DYNAP: variants seen among roughly 807,000 people sequenced by gnomAD.
DYNAP encodes dynactin-associated protein.
In DYNAP, 7 loss-of-function variants were observed where a neutral mutation model predicts 8.5. That is an observed-to-expected ratio of 0.82 (90% confidence interval 0.47 to 1.54). The LOEUF is 1.54. DYNAP is among the 40% of genes most tolerant of loss of function. The pLI is 0.01. For synonymous variants in DYNAP, 77 were observed against 77.9 expected, an observed-to-expected ratio of 0.99 and a Z score of 0.06; for missense variants, 256 against 224.3, an observed-to-expected ratio of 1.14 and a Z score of -0.90.
chr18:54,581,520 G>T, the DYNAP span, among the ~76,000 whole-genome samples: 1 of 152,220 alleles, frequency 6.6e-6, no homozygotes, highest in Admixed American at 6.5e-5. Flanking sequence ...GCATAGGCAG[G>T]TTTAACAGTC....
the DYNAP span, among the ~76,000 whole-genome samples, chr18:54,576,289 A>G: frequency 5.9e-5 from 9 of 152,162 alleles, no homozygotes; most frequent in African/African-American, 9.7e-5. Context: ...CATAGGGTAG[A>G]TGTATACAGA....
the DYNAP span, among the ~76,000 whole-genome samples, chr18:54,581,189 C>T: frequency 6.6e-6 from 1 of 152,116 alleles, no homozygotes; most frequent in Non-Finnish European, 1.5e-5. Context: ...AAGTTTTCTT[C>T]AGATTATTTT....
At chr18:54,582,049 A>G in the DYNAP span, among the ~76,000 whole-genome samples, 1 of 152,288 alleles carries the variant, frequency 6.6e-6, no homozygotes, top group African/African-American at 2.4e-5. Flanking sequence ...CACTTTGGTA[A>G]GCCGAGGCGG....
chr18:54,581,158 G>A, the DYNAP span, among the ~76,000 whole-genome samples: 1 of 152,090 alleles, frequency 6.6e-6, no homozygotes, highest in Non-Finnish European at 1.5e-5. Context: ...TTCCTTATGT[G>A]TAAAATTATC....
At chr18:54,583,826 C>A (rs1279412820), upstream of DYNAP, among the ~76,000 whole-genome samples, 1 of 151,998 alleles carries the variant, frequency 6.6e-6, no homozygotes, top group East Asian at 1.9e-4. Flanking sequence ...GATAAAATAC[C>A]TTTTGACTGT....
At chr18:54,587,909 A>G (rs1210731875), upstream of DYNAP, 1 of 400,514 alleles carries the variant, frequency 2.5e-6, no homozygotes, top group East Asian at 3.6e-5. Context: ...ACACAGGTGA[A>G]TTATACAGTT....
At chr18:54,584,327 G>A (rs1035686012), upstream of DYNAP, among the ~76,000 whole-genome samples, 1 of 149,172 alleles carries the variant, frequency 6.7e-6, no homozygotes, top group Non-Finnish European at 1.5e-5. Context: ...GCCTAAGAAT[G>A]CATATTCAAG....
At chr18:54,591,560 A>T (rs887286007) in intron 1 of DYNAP, among the ~76,000 whole-genome samples, 2 of 152,136 alleles carry the variant, frequency 1.3e-5, no homozygotes, top group African/African-American at 4.8e-5. Context: ...ATATAGCTAT[A>T]AAGTATTAGA....
chr18:54,586,382 G>A (rs574370489), upstream of DYNAP, among the ~76,000 whole-genome samples: 1 of 152,234 alleles, frequency 6.6e-6, no homozygotes, highest in African/African-American at 2.4e-5. Context: ...CAAGGATGAT[G>A]AGACATGTCT....
chr18:54,589,591 G>A (rs1053783497), upstream of DYNAP, among the ~76,000 whole-genome samples: 6 of 151,938 alleles, frequency 3.9e-5, no homozygotes, highest in African/African-American at 1.2e-4. Flanking sequence ...AAATTTTGTG[G>A]CTGAGTCATG....
At chr18:54,590,350 C>A (rs563726012), upstream of DYNAP, among the ~76,000 whole-genome samples, 6 of 152,110 alleles carry the variant, frequency 3.9e-5, no homozygotes, top group Non-Finnish European at 8.8e-5. Flanking sequence ...ATTTTAAACT[C>A]CTCTTTAGAA....
chr18:54,593,160 C>T (rs1911148388), intron 1 of DYNAP, among the ~76,000 whole-genome samples: 2 of 151,864 alleles, frequency 1.3e-5, no homozygotes, highest in African/African-American at 4.8e-5. Flanking sequence ...GCTAATTGTC[C>T]ACTGCCAGGA....
chr18:54,582,114 G>A, the DYNAP span, among the ~76,000 whole-genome samples: 3 of 152,172 alleles, frequency 2.0e-5, no homozygotes, highest in East Asian at 3.9e-4. Context: ...GTGAAACCCC[G>A]TCTCTACTAA....
chr18:54,576,525 A>G, the DYNAP span, among the ~76,000 whole-genome samples: 1 of 152,236 alleles, frequency 6.6e-6, no homozygotes, highest in East Asian at 1.9e-4. Flanking sequence ...CTAACCCAGC[A>G]CAGTGGCTCG....
upstream of DYNAP, chr18:54,587,812 G>A (rs1379025327): frequency 2.5e-6 from 1 of 400,432 alleles, no homozygotes. Context: ...GGATCTATAG[G>A]AGAAAGAACT....
intron 1 of DYNAP, among the ~76,000 whole-genome samples, chr18:54,591,933 A>G (rs1414663051): frequency 6.6e-6 from 1 of 152,158 alleles, no homozygotes; most frequent in Non-Finnish European, 1.5e-5. Flanking sequence ...ATCTATTTAT[A>G]TCCAACCAAA....
At chr18:54,591,162 C>T (rs766094590), upstream of DYNAP, 7 of 1,585,506 alleles carry the variant, frequency 4.4e-6, no homozygotes, top group South Asian at 8.1e-5. Context: ...CACACTTGTA[C>T]TGATGCATCA....
chr18:54,584,646 A>G (rs1475218198), upstream of DYNAP, among the ~76,000 whole-genome samples: 1 of 152,190 alleles, frequency 6.6e-6, no homozygotes, highest in Non-Finnish European at 1.5e-5. Flanking sequence ...ATAAACACCA[A>G]TTAAGGAGAG....
chr18:54,587,360 T>C (rs1000414463), upstream of DYNAP, among the ~76,000 whole-genome samples: 2 of 152,170 alleles, frequency 1.3e-5, no homozygotes, highest in African/African-American at 4.8e-5. Context: ...ATGTCCAGCC[T>C]GGGCAACACA....
Sources: allele counts gnomAD v4.1 joint callset (sites outside exome capture counted in the v4.1 genomes callset), GRCh38; gene constraint gnomAD v4.1.1; transcripts MANE v1.5; gene names NCBI Gene and HGNC (gene_info 2026-07-23, HGNC 2026-07-21).